The following CNTN5 variants were observed in gnomAD, a reference collection of about 807,000 sequenced individuals.
CNTN5 encodes contactin-5.
In CNTN5, 77 loss-of-function variants were observed where a neutral mutation model predicts 129.1. The ratio of observed to expected loss-of-function variants is 0.60; its 90% CI spans 0.50 to 0.72. The LOEUF (loss-of-function observed/expected upper bound fraction) is 0.72, where lower values mean the gene tolerates loss of function less well. CNTN5 is among the 30% of genes least tolerant of loss of function. CNTN5 has a pLI of 0.00. For missense variants in CNTN5, 1,478 were observed against 1,328.8 expected, an observed-to-expected ratio of 1.11 and a Z score of -1.75; for synonymous variants, 509 against 465.6, an observed-to-expected ratio of 1.09 and a Z score of -1.20.
At chr11:100,228,687 CG>C (rs1949430466) in intron 16 of CNTN5, among the ~76,000 whole-genome samples, 1 of 152,152 alleles carries the variant, frequency 6.6e-6, no homozygotes, top group Non-Finnish European at 1.5e-5. Flanking sequence ...TGCTCTGTGT[CG>C]GGCACTGAAG....
At chr11:99,957,989 G>A (rs1950847072) in intron 8 of CNTN5, among the ~76,000 whole-genome samples, 1 of 151,584 alleles carries the variant, frequency 6.6e-6, no homozygotes, top group Admixed American at 6.6e-5. Flanking sequence ...TATAGATAGA[G>A]ATACACAGTA....
At chr11:99,797,254 T>C (rs1011986596) in intron 3 of CNTN5, among the ~76,000 whole-genome samples, 1 of 152,194 alleles carries the variant, frequency 6.6e-6, no homozygotes, top group African/African-American at 2.4e-5. Context: ...CTATTTTCCT[T>C]TGGATATGTA....
chr11:99,741,186 A>G (rs112617843), intron 3 of CNTN5, among the ~76,000 whole-genome samples: 8 of 152,178 alleles, frequency 5.3e-5, no homozygotes, highest in African/African-American at 1.9e-4. Context: ...CATTGTTTAA[A>G]TTATTGGGAT....
At chr11:99,582,643 A>T (rs1737220671) in intron 3 of CNTN5, among the ~76,000 whole-genome samples, 2 of 152,142 alleles carry the variant, frequency 1.3e-5, no homozygotes, top group Non-Finnish European at 2.9e-5. Context: ...GTGCATTCAC[A>T]CATAGTTCTC....
At chr11:100,120,873 GCATCTAGTATTTT>G (rs964806193) in intron 13 of CNTN5, among the ~76,000 whole-genome samples, 4 of 151,728 alleles carry the variant, frequency 2.6e-5, no homozygotes, top group Non-Finnish European at 5.9e-5. Context: ...TATTGTAATA[GCATCTAGTATTTT>G]TAACACATAA....
chr11:99,386,552 G>A (rs1421695047), intron 2 of CNTN5, among the ~76,000 whole-genome samples: 1 of 152,116 alleles, frequency 6.6e-6, no homozygotes, highest in Non-Finnish European at 1.5e-5. Flanking sequence ...CTTGGTTTCG[G>A]TGGGTTTTAG....
intron 3 of CNTN5, among the ~76,000 whole-genome samples, chr11:99,769,569 A>C (rs935241311): frequency 6.6e-6 from 1 of 152,124 alleles, no homozygotes. Context: ...TAGATGAAGT[A>C]AATTAAGAAT....
rs141117562 is a variant in CNTN5, at chr11:99,907,321, A to T, written c.578-8733A>T. ...AGGCAGAGTATCCTTGAATTCATAC[A>T]ATATAGAAGAGTAGGCATTTAGGTA... On this transcript the variant is annotated intron_variant, in intron 6 of 24. Coordinates refer to ENST00000524871, the MANE Select transcript of CNTN5 (RefSeq NM_014361.4). Among the ~76,000 whole-genome samples the T allele has an allele frequency of 6.6e-5, 10 of 152,132 alleles. No homozygotes were observed. In the East Asian group the frequency reaches 1.9e-3, roughly 29 times the overall value.
intron 3 of CNTN5, among the ~76,000 whole-genome samples, chr11:99,600,218 C>T (rs918940637): frequency 6.6e-6 from 1 of 151,094 alleles, no homozygotes; most frequent in Admixed American, 6.6e-5. Flanking sequence ...TCATGTACTC[C>T]ATAAATTTGC....
chr11:99,827,086 G>GTTTTT (rs1203873069), intron 4 of CNTN5, among the ~76,000 whole-genome samples: 3 of 151,954 alleles, frequency 2.0e-5, no homozygotes, highest in Non-Finnish European at 4.4e-5. Context: ...GTTTTGTTTT[G>GTTTTT]TTTTTGTTTG....
At chr11:99,414,296 G>A (rs1942538477) in intron 2 of CNTN5, among the ~76,000 whole-genome samples, 1 of 152,050 alleles carries the variant, frequency 6.6e-6, no homozygotes, top group East Asian at 1.9e-4. Context: ...AAAGTTTTGA[G>A]CTGGGTGTGT....
At chr11:99,609,677 TAGATTATTG>T (rs1033317266) in intron 3 of CNTN5, among the ~76,000 whole-genome samples, 1 of 152,130 alleles carries the variant, frequency 6.6e-6, no homozygotes, top group African/African-American at 2.4e-5. Context: ...TTAGGAACTT[TAGATTATTG>T]AGATAAGATA....
chr11:99,055,007 C>G (rs578010895), intron 1 of CNTN5, among the ~76,000 whole-genome samples: 1 of 151,828 alleles, frequency 6.6e-6, no homozygotes, highest in Non-Finnish European at 1.5e-5. Context: ...AACTTTAAAT[C>G]GTAATTACCT....
chr11:99,358,401 A>C (rs1414235984), intron 2 of CNTN5, among the ~76,000 whole-genome samples: 1 of 150,182 alleles, frequency 6.7e-6, no homozygotes, highest in Non-Finnish European at 1.5e-5. Flanking sequence ...CCCTGTCTCT[A>C]CTACAAAAAA....
At chr11:100,050,774 C>T (rs1010006485) in intron 9 of CNTN5, among the ~76,000 whole-genome samples, 2 of 151,998 alleles carry the variant, frequency 1.3e-5, no homozygotes, top group African/African-American at 2.4e-5. Flanking sequence ...AAATACTCAT[C>T]ATAGGAATGT....
chr11:99,391,716 G>A (rs79396963), intron 2 of CNTN5, among the ~76,000 whole-genome samples: 11,346 of 152,008 alleles, frequency 0.075, 626 homozygotes, highest in African/African-American at 0.15. Flanking sequence ...CTGAACTGTG[G>A]AAAGGAGTCA....
At chr11:99,109,605 A>G (rs1289039238) in intron 1 of CNTN5, among the ~76,000 whole-genome samples, 2 of 152,092 alleles carry the variant, frequency 1.3e-5, no homozygotes, top group African/African-American at 4.8e-5. Context: ...TCTGAAGAAA[A>G]CCAAGTGATT....
At chr11:99,561,713 A>G (rs555220698) in intron 3 of CNTN5, among the ~76,000 whole-genome samples, 1 of 596 alleles carries the variant, frequency 1.7e-3, no homozygotes, top group African/African-American at 2.1e-3. Context: ...CCTCCCCAAA[A>G]CCTATAACCC....
intron 13 of CNTN5, among the ~76,000 whole-genome samples, chr11:100,171,771 G>A (rs753526116): frequency 4.9e-4 from 74 of 151,696 alleles, no homozygotes; most frequent in South Asian, 8.3e-4. Flanking sequence ...GTGCAAAGCC[G>A]AATACTTCCA....
Sources: allele counts gnomAD v4.1 joint callset (sites outside exome capture counted in the v4.1 genomes callset), GRCh38; gene constraint gnomAD v4.1.1; transcripts MANE v1.5; gene names NCBI Gene and HGNC (gene_info 2026-07-23, HGNC 2026-07-21).